SYK: variants seen among roughly 807,000 people sequenced by gnomAD.
SYK encodes the protein spleen associated tyrosine kinase.
A neutral mutation model predicts 77.8 loss-of-function variants in SYK; 16 were observed. The ratio of observed to expected loss-of-function variants is 0.21; its 90% CI spans 0.14 to 0.31. SYK has a LOEUF of 0.31. Among genes scored for constraint, SYK ranks in the 10% least tolerant of loss-of-function variants. SYK has a pLI of 1.00. For synonymous variants in SYK, 312 were observed against 308.7 expected, an observed-to-expected ratio of 1.01 and a Z score of -0.11; for missense variants, 529 against 814.4, an observed-to-expected ratio of 0.65 and a Z score of 4.26.
chr9:90,815,403 G>A (rs1166027105), intron 1 of SYK, among the ~76,000 whole-genome samples: 1 of 152,224 alleles, frequency 6.6e-6, no homozygotes, highest in Non-Finnish European at 1.5e-5. Context: ...CACTCCAGGC[G>A]CTGGGGCAGA....
chr9:90,879,695 A>T (rs1828074187), intron 11 of SYK, among the ~76,000 whole-genome samples: 1 of 152,256 alleles, frequency 6.6e-6, no homozygotes, highest in Admixed American at 6.5e-5. Context: ...AGAGATCTAG[A>T]TAGTTATGTG....
rs150269089 is a variant in SYK at position 90,843,477 on chromosome 9, G to A, written c.-41-381G>A. On this transcript the variant is annotated intron_variant, in intron 1 of 13. Transcript: ENST00000375754. ...GGAGCAGTTGGTTTGTTCTCATGTA[G>A]ATTCTGCCTCCTGTATGCTGCTGGG... is the stretch of plus-strand genomic sequence containing the variant. Among the ~76,000 whole-genome samples, 39 of 152,316 alleles carry A rather than the reference G, an allele frequency of 2.6e-4. No homozygotes were observed. In the East Asian group the frequency reaches 7.5e-3, roughly 29 times the overall value.
At chr9:90,805,471 C>T (rs902210057) in intron 1 of SYK, among the ~76,000 whole-genome samples, 8 of 152,294 alleles carry the variant, frequency 5.3e-5, no homozygotes, top group South Asian at 4.1e-4. Flanking sequence ...GGGAGGCTCT[C>T]GACCTGGATA....
At chr9:90,857,756 A>T (rs574280309) in intron 3 of SYK, among the ~76,000 whole-genome samples, 1 of 152,252 alleles carries the variant, frequency 6.6e-6, no homozygotes, top group East Asian at 1.9e-4. Context: ...CACTGTTGGG[A>T]GATGGCTCTG....
chr9:90,841,318 C>T (rs1266392283), intron 1 of SYK, among the ~76,000 whole-genome samples: 2 of 124,492 alleles, frequency 1.6e-5, no homozygotes, highest in African/African-American at 3.1e-5. Context: ...GTGTGCTGCA[C>T]GTAGTGTGTT....
At chr9:90,812,788 A>T (rs1274924237) in intron 1 of SYK, among the ~76,000 whole-genome samples, 8 of 84,194 alleles carry the variant, frequency 9.5e-5, no homozygotes, top group East Asian at 4.1e-4. Flanking sequence ...TGAGAGAGAG[A>T]GATTGAGAGA....
chr9:90,884,983 A>G (rs1477769883), intron 11 of SYK, among the ~76,000 whole-genome samples: 1 of 130,272 alleles, frequency 7.7e-6, no homozygotes, highest in African/African-American at 2.9e-5. Context: ...ATATATACCC[A>G]ACATATATAT....
chr9:90,866,533 G>T, intron 6 of SYK, among the ~76,000 whole-genome samples: 1 of 152,156 alleles, frequency 6.6e-6, no homozygotes, highest in East Asian at 1.9e-4. Flanking sequence ...TTATAGGCTC[G>T]GTGAGACAGA....
chr9:90,849,995 A>C (rs1281270046), intron 3 of SYK, among the ~76,000 whole-genome samples: 1 of 152,126 alleles, frequency 6.6e-6, no homozygotes, highest in African/African-American at 2.4e-5. Context: ...CTCCATGCAA[A>C]CTCTTTCCAT....
chr9:90,840,314 G>A (rs1826248070), intron 1 of SYK, among the ~76,000 whole-genome samples: 1 of 152,094 alleles, frequency 6.6e-6, no homozygotes, highest in African/African-American at 2.4e-5. Context: ...CCCAGGCCAC[G>A]TGGAAGTATG....
chr9:90,850,539 T>C (rs967079089), intron 3 of SYK, among the ~76,000 whole-genome samples: 12 of 151,840 alleles, frequency 7.9e-5, no homozygotes, highest in Non-Finnish European at 1.5e-4. Context: ...ATTATTATTA[T>C]TATTATTTCA....
rs772703441 is a variant in SYK, at chr9:90,895,376, G to C, written c.1836-152G>C. 9.8e-6 allele frequency: 7 copies of C among 715,670 alleles called. No homozygotes were observed. Among genetic ancestry groups the C allele is most frequent in the African/African-American group, 5.2e-5 (3 of 57,496 alleles). The allele number at this position is 715,670 out of a possible 1,614,324, so 44.3% of individuals were successfully genotyped here. ...GACAGCCTTGTGGTCACCCTGGGGT[G>C]GGGGGCACAGGGACCACGCTGTGAG... On this transcript the variant is annotated intron_variant, in intron 13 of 13. Transcript: ENST00000375754. This position sits in a 1 kb window ranked among gnomAD's most constrained non-coding sequence, Gnocchi z 4.4.
intron 11 of SYK, among the ~76,000 whole-genome samples, chr9:90,882,421 A>G (rs1208151531): frequency 1.3e-5 from 2 of 152,206 alleles, no homozygotes; most frequent in Non-Finnish European, 2.9e-5. Context: ...CACTGAAATC[A>G]TGTCCCCCTC....
Position 90,897,870 on chromosome 9 carries a change from T to C in SYK, c.*2270T>C. ...TCTTTTCTAGTGAAAATGTGTCTTG[T>C]GGTCAGGAATAATTATCCTTTCCCC... On this transcript the variant is annotated 3_prime_UTR_variant, in exon 14 of 14. Transcript: ENST00000375754. The C allele has an allele frequency of 4.5e-6, 1 of 224,516 alleles. No homozygotes were observed. The highest frequency in any genetic ancestry group is 6.5e-5 in the East Asian group (1 of 15,490). The allele number at this position is 224,516 out of a possible 1,614,324, so 13.9% of individuals were successfully genotyped here. A position where few individuals can be genotyped will look rare whatever the true frequency, so the allele number is the denominator to read the frequency against.
chr9:90,887,991 TTATC>T, intron 12 of SYK, 102 bp downstream of exon 12: 1 of 1,424,138 alleles, frequency 7.0e-7, no homozygotes, highest in Non-Finnish European at 9.3e-7. Flanking sequence ...GAGTCTCTCA[TTATC>T]TTTTACCAGT....
At chr9:90,851,563 A>AG (rs1826822779) in intron 3 of SYK, among the ~76,000 whole-genome samples, 1 of 151,930 alleles carries the variant, frequency 6.6e-6, no homozygotes, top group South Asian at 2.1e-4. Context: ...CGAGCACTGG[A>AG]GGGGGAGTCC....
chr9:90,848,150 T>C (rs1288365273), intron 3 of SYK, among the ~76,000 whole-genome samples: 1 of 152,196 alleles, frequency 6.6e-6, no homozygotes, highest in Non-Finnish European at 1.5e-5. Flanking sequence ...AAGTCTACCA[T>C]GCTTCCAGCA....
At chr9:90,805,644 G>T (rs927755284) in intron 1 of SYK, among the ~76,000 whole-genome samples, 1 of 152,172 alleles carries the variant, frequency 6.6e-6, no homozygotes, top group Non-Finnish European at 1.5e-5. Flanking sequence ...CCCTCCATTG[G>T]TTTGTCTTAA....
intron 12 of SYK, 115 bp downstream of exon 12, chr9:90,888,004 G>A (rs1828644910): frequency 7.4e-7 from 1 of 1,358,268 alleles, no homozygotes. Flanking sequence ...TCTTTTACCA[G>A]TAAGCAGTTA....
Sources: gnomAD v4.1 joint callset for allele counts (sites outside exome capture counted in the v4.1 genomes callset) on GRCh38, gnomAD v4.1.1 for gene constraint, Gnocchi (gnomAD v3.1) non-coding constraint, MANE v1.5 for transcripts, NCBI Gene and HGNC (gene_info 2026-07-23, HGNC 2026-07-21) for gene names.